DDX19A: variants seen among roughly 807,000 people sequenced by gnomAD.
The protein encoded by DDX19A is DEAD-box helicase 19A, also known as ATP-dependent RNA helicase DDX19A.
In DDX19A, 12 loss-of-function variants were observed where a neutral mutation model predicts 60.6. The ratio of observed to expected loss-of-function variants is 0.20; its 90% CI spans 0.13 to 0.32. The LOEUF is 0.32. Ranked by LOEUF, DDX19A falls within the 10% of genes least tolerant of loss-of-function variation. DDX19A has a pLI of 1.00. For synonymous variants in DDX19A, 206 were observed against 218.2 expected, an observed-to-expected ratio of 0.94 and a Z score of 0.49; for missense variants, 337 against 600.6, an observed-to-expected ratio of 0.56 and a Z score of 4.59.
At chr16:70,358,091 C>T (rs1353252487) in intron 4 of DDX19A, among the ~76,000 whole-genome samples, 2 of 151,968 alleles carry the variant, frequency 1.3e-5, no homozygotes, top group African/African-American at 2.4e-5. Flanking sequence ...AGCGCAGTGG[C>T]ACAATCTTGG....
intron 4 of DDX19A, among the ~76,000 whole-genome samples, chr16:70,360,412 T>G (rs898582747): frequency 2.1e-4 from 31 of 150,854 alleles, no homozygotes; most frequent in African/African-American, 1.2e-4. Context: ...TCTCTAACTC[T>G]TAGCCTCAGG....
intron 11 of DDX19A, 60 bp from the exon 12 acceptor site, chr16:70,371,865 T>C (rs1212154023): frequency 1.2e-6 from 2 of 1,613,704 alleles, no homozygotes; most frequent in Admixed American, 1.7e-5. Context: ...GAATGATTGC[T>C]GTGGCCTGAG....
intron 5 of DDX19A, among the ~76,000 whole-genome samples, chr16:70,362,848 C>CA (rs1280437058): frequency 6.6e-6 from 1 of 151,478 alleles, no homozygotes; most frequent in African/African-American, 2.4e-5. Flanking sequence ...CCCGTCTCTA[C>CA]AAAAAATACA....
rs765227689 is a variant in DDX19A, at chr16:70,371,511, G to A, written c.1323G>A (p.Met441Ile). The change falls in exon 11 of 12, where the codon ATG becomes ATA. Residue 441 changes from methionine (M) to isoleucine (I), a missense_variant. Physicochemically the swap from Met to Ile is conservative, Grantham distance 10. Around this residue, in one of 6 missense-constraint regions of DDX19A, gnomAD observed 29 missense variants for 51.2 expected, o/e 0.57. Transcript: ENST00000302243. ...GCAAGAGGGGCCTGGCAGTGAACAT[G>A]GTGGACAGCAAGCACAGCATGAACA... ...RFGKRGLAVN[M>I]VDSKHSMNIL... 6.4e-7 allele frequency: 1 copy of A among 1,571,628 alleles called. No individual in the cohort carries two copies. The highest frequency in any genetic ancestry group is 1.4e-5 in the African/African-American group (1 of 73,888).
In DDX19A at chr16:70,371,427, G is replaced by A. The variant is rs763522305; in HGVS notation, c.1239G>A (p.Lys413=). ...TCAACTTTGATCTTCCCGTGGACAA[G>A]GACGGGAATCCTGACAATGAGACCT... ...VVINFDLPVD[K]DGNPDNETYL... The change falls in exon 11 of 12, where the codon AAG becomes AAA. Residue 413 remains lysine (K), a synonymous_variant. Coordinates refer to ENST00000302243, the MANE Select transcript of DDX19A (RefSeq NM_018332.5). The A allele has an allele frequency of 6.2e-7, 1 of 1,613,354 alleles. No individual in the cohort carries two copies. The highest frequency in any genetic ancestry group is 1.1e-5 in the South Asian group (1 of 90,992).
chr16:70,348,450 A>T (rs1039496768), intron 1 of DDX19A, among the ~76,000 whole-genome samples: 2 of 151,872 alleles, frequency 1.3e-5, no homozygotes, highest in Admixed American at 1.3e-4. Context: ...ACATAGTGAA[A>T]CCCTGTCTCT....
At chr16:70,362,572 C>T (rs1964398287) in intron 5 of DDX19A, among the ~76,000 whole-genome samples, 1 of 152,052 alleles carries the variant, frequency 6.6e-6, no homozygotes, top group African/African-American at 2.4e-5. Context: ...CCTTCTCCCA[C>T]CCTGACAAGA....
chr16:70,354,320 A>G (rs777696467), intron 2 of DDX19A, among the ~76,000 whole-genome samples: 4 of 151,710 alleles, frequency 2.6e-5, no homozygotes, highest in Non-Finnish European at 4.4e-5. Context: ...CTAATTTTGT[A>G]TTTTTTAGTA....
chr16:70,366,475 T>G, intron 8 of DDX19A, 149 bp from the exon 9 acceptor site: 1 of 1,277,610 alleles, frequency 7.8e-7, no homozygotes. Flanking sequence ...CCAACCCTTG[T>G]CCCCATCCCA....
intron 5 of DDX19A, among the ~76,000 whole-genome samples, chr16:70,362,436 A>G (rs563195692): frequency 1.3e-5 from 2 of 150,148 alleles, no homozygotes; most frequent in African/African-American, 4.9e-5. Context: ...TATTATTTGG[A>G]AATTTTTGAG....
intron 9 of DDX19A, among the ~76,000 whole-genome samples, chr16:70,367,852 G>T (rs1249368460): frequency 6.6e-6 from 1 of 151,790 alleles, no homozygotes; most frequent in African/African-American, 2.4e-5. Flanking sequence ...ACTCCAGCCT[G>T]GGTGAGAGAG....
chr16:70,350,801 C>G (rs1484362199), intron 2 of DDX19A, among the ~76,000 whole-genome samples, 196 bp downstream of exon 2: 1 of 151,936 alleles, frequency 6.6e-6, no homozygotes, highest in Non-Finnish European at 1.5e-5. Context: ...TTAAGAGTCT[C>G]TCTATTGGAT....
At chr16:70,361,592 A>C in intron 5 of DDX19A, 82 bp downstream of exon 5, 1 of 1,154,764 alleles carries the variant, frequency 8.7e-7, no homozygotes, top group Admixed American at 2.0e-5. Context: ...CTGAGAACAG[A>C]AGGAGCTGTT....
chr16:70,355,853 T>C (rs1408791966), intron 3 of DDX19A: 10 of 582,166 alleles, frequency 1.7e-5, no homozygotes, highest in Non-Finnish European at 3.0e-5. Context: ...TCCCAGCTAC[T>C]TGGGAGGCTG....
intron 4 of DDX19A, among the ~76,000 whole-genome samples, chr16:70,357,657 T>G (rs970457871): frequency 6.6e-5 from 10 of 152,066 alleles, no homozygotes; most frequent in African/African-American, 2.4e-4. Flanking sequence ...GTGCTGAGAT[T>G]ACAGGCATGA....
rs181218630 is a variant in DDX19A at position 70,355,532 on chromosome 16, A to G, written c.154A>G (p.Lys52Glu). 3 of 1,613,750 alleles carry G rather than the reference A, an allele frequency of 1.9e-6. No individual in the cohort carries two copies. Among genetic ancestry groups the G allele is most frequent in the Admixed American group, 1.7e-5 (1 of 60,000 alleles). ...TGCCGAGAAAACAGATGAAGAGGAGAAAGGTAACTACTTTTGGATGCCCTT... is the reference window on the plus strand; with the variant it reads ...TGCCGAGAAAACAGATGAAGAGGAGGAAGGTAACTACTTTTGGATGCCCTT... ...TTAEKTDEEE[K>E]EDRAAQSLLN... The change falls in exon 3 of 12, where the codon AAA (lysine) becomes GAA (glutamate). Residue 52 changes from lysine (K) to glutamate (E), a missense_variant. By Grantham distance (56) the Lys-to-Glu change is moderately conservative (BLOSUM62 1). Coordinates refer to ENST00000302243, the MANE Select transcript of DDX19A (RefSeq NM_018332.5).
At chr16:70,369,278 C>T (rs2151645460) in intron 9 of DDX19A, among the ~76,000 whole-genome samples, 1 of 145,630 alleles carries the variant, frequency 6.9e-6, no homozygotes, top group South Asian at 2.2e-4. Context: ...CTCCCGGGTT[C>T]AAGCGATTCT....
intron 4 of DDX19A, among the ~76,000 whole-genome samples, chr16:70,356,511 C>T (rs539963316): frequency 1.3e-5 from 2 of 152,122 alleles, no homozygotes; most frequent in Non-Finnish European, 2.9e-5. Context: ...CGCCCACCAC[C>T]ATGTCAAGCT....
At position 70,372,395 on chromosome 16, in the gene DDX19A, C is replaced by T. The variant is rs188337644; in HGVS notation, c.*409C>T. On this transcript the variant is annotated 3_prime_UTR_variant, in exon 12 of 12. Transcript: ENST00000302243. ...AAATGGTGTGAGCCCCACCGCTGTG[C>T]ATCGAATGAGGGAAGTGGCAGCAGA... is the stretch of plus-strand genomic sequence containing the variant. 8.6e-4 allele frequency: 218 copies of T among 254,002 alleles called. 2 individuals carry two copies. Among genetic ancestry groups the T allele is most frequent in the African/African-American group, 4.7e-3 (208 of 44,014 alleles). The allele number at this position is 254,002 out of a possible 1,614,324, so 15.7% of individuals were successfully genotyped here. A position where few individuals can be genotyped will look rare whatever the true frequency, so the allele number is the denominator to read the frequency against.
Sources: gnomAD v4.1 joint callset for allele counts (sites outside exome capture counted in the v4.1 genomes callset) on GRCh38, gnomAD v4.1.1 for gene constraint, gnomAD v4.1.1 regional missense constraint, MANE v1.5 for transcripts, NCBI Gene and HGNC (gene_info 2026-07-23, HGNC 2026-07-21) for gene names.